Variants in LRRC4C observed in about 807,000 individuals in gnomAD.
The protein encoded by LRRC4C is leucine rich repeat containing 4C, also known as leucine-rich repeat-containing protein 4C.
LRRC4C carries 5 observed loss-of-function variants against 33.6 expected under a neutral mutation model. That is an observed-to-expected ratio of 0.15 (90% confidence interval 0.08 to 0.31). The LOEUF is 0.31. Ranked by LOEUF, LRRC4C falls within the 10% of genes least tolerant of loss-of-function variation. The pLI, the probability that LRRC4C is intolerant of heterozygous loss-of-function variation, is 1.00. For synonymous variants in LRRC4C, 329 were observed against 302.0 expected, an observed-to-expected ratio of 1.09 and a Z score of -0.93; for missense variants, 560 against 796.7, an observed-to-expected ratio of 0.70 and a Z score of 3.58.
chr11:41,214,835 T>C (rs1172329213), intron 1 of LRRC4C, among the ~76,000 whole-genome samples: 1 of 146,896 alleles, frequency 6.8e-6, no homozygotes, highest in Non-Finnish European at 1.5e-5. Context: ...TATATATATG[T>C]ATATATAAAT....
chr11:40,934,760 A>G (rs1474976847), intron 1 of LRRC4C, among the ~76,000 whole-genome samples: 1 of 152,114 alleles, frequency 6.6e-6, no homozygotes, highest in Non-Finnish European at 1.5e-5. Context: ...CAGGTTTATG[A>G]CTGAAATACT....
chr11:40,420,741 A>C (rs929416380), intron 3 of LRRC4C, among the ~76,000 whole-genome samples: 1 of 152,146 alleles, frequency 6.6e-6, no homozygotes, highest in African/African-American at 2.4e-5. Context: ...TTGCCAGCTC[A>C]TGAGTGTTGG....
intron 1 of LRRC4C, among the ~76,000 whole-genome samples, chr11:41,039,448 A>G (rs1857287369): frequency 6.6e-6 from 1 of 152,198 alleles, no homozygotes; most frequent in Admixed American, 6.5e-5. Context: ...AATATAATAA[A>G]GCTTAGCGAA....
At chr11:41,075,051 T>G (rs1257590352) in intron 1 of LRRC4C, among the ~76,000 whole-genome samples, 1 of 43,070 alleles carries the variant, frequency 2.3e-5, no homozygotes, top group African/African-American at 7.9e-5. Context: ...TTAATGTTTT[T>G]TTTTTTTTTT....
intron 3 of LRRC4C, among the ~76,000 whole-genome samples, chr11:40,613,870 G>A (rs1371004550): frequency 1.3e-5 from 2 of 151,832 alleles, no homozygotes; most frequent in African/African-American, 2.4e-5. Context: ...AATGAATGGT[G>A]ATTTTTTGAA....
At chr11:40,844,803 G>T (rs1270065703) in intron 2 of LRRC4C, among the ~76,000 whole-genome samples, 1 of 152,142 alleles carries the variant, frequency 6.6e-6, no homozygotes, top group Non-Finnish European at 1.5e-5. Flanking sequence ...AAACAACAAT[G>T]CATCGCATAC....
chr11:41,398,474 T>C (rs16935673), intron 1 of LRRC4C, among the ~76,000 whole-genome samples: 9,783 of 152,068 alleles, frequency 0.064, 369 homozygotes, highest in Middle Eastern at 0.14. Flanking sequence ...AATCCCTGAA[T>C]GCACTGTAAC....
At chr11:41,400,277 G>A (rs941243867) in intron 1 of LRRC4C, among the ~76,000 whole-genome samples, 1 of 151,914 alleles carries the variant, frequency 6.6e-6, no homozygotes, top group African/African-American at 2.4e-5. Context: ...TGCATATAAC[G>A]TGTTGAGCTC....
intron 2 of LRRC4C, among the ~76,000 whole-genome samples, chr11:40,818,381 C>T (rs1432861060): frequency 6.6e-6 from 1 of 152,002 alleles, no homozygotes; most frequent in Non-Finnish European, 1.5e-5. Flanking sequence ...TGAATAGGTA[C>T]CTAATAAGTT....
chr11:41,227,890 A>T (rs1321282521), intron 1 of LRRC4C, among the ~76,000 whole-genome samples: 4 of 151,786 alleles, frequency 2.6e-5, no homozygotes, highest in African/African-American at 4.8e-5. Context: ...AATATTTTAC[A>T]TTCATTTTCT....
intron 3 of LRRC4C, among the ~76,000 whole-genome samples, chr11:40,627,081 T>G (rs1333045044): frequency 6.6e-6 from 1 of 151,536 alleles, no homozygotes; most frequent in Non-Finnish European, 1.5e-5. Context: ...ACTGTTTTTT[T>G]TTTTTTTTTT....
At chr11:41,249,518 A>C (rs1948570210) in intron 1 of LRRC4C, among the ~76,000 whole-genome samples, 1 of 152,096 alleles carries the variant, frequency 6.6e-6, no homozygotes, top group South Asian at 2.1e-4. Flanking sequence ...AATACAGAAA[A>C]CTTACCATGA....
chr11:41,265,109 A>G (rs1949105700), intron 1 of LRRC4C, among the ~76,000 whole-genome samples: 1 of 152,182 alleles, frequency 6.6e-6, no homozygotes, highest in Non-Finnish European at 1.5e-5. Flanking sequence ...ATAAATGAAC[A>G]GAATAGTCAA....
At chr11:40,430,259 G>A (rs940291661) in intron 3 of LRRC4C, among the ~76,000 whole-genome samples, 1 of 137,768 alleles carries the variant, frequency 7.3e-6, no homozygotes, top group African/African-American at 2.7e-5. Context: ...AAAAGTGCAC[G>A]TATGGGGGGG....
At chr11:40,947,903 CTCTCAGTGTT>C (rs1465027483) in intron 1 of LRRC4C, among the ~76,000 whole-genome samples, 2 of 152,132 alleles carry the variant, frequency 1.3e-5, no homozygotes, top group South Asian at 2.1e-4. Context: ...CCATAATTGT[CTCTCAGTGTT>C]TCTCAATTTA....
intron 3 of LRRC4C, among the ~76,000 whole-genome samples, chr11:40,393,189 T>C (rs1949404126): frequency 6.6e-6 from 1 of 152,122 alleles, no homozygotes; most frequent in African/African-American, 2.4e-5. Flanking sequence ...CAATAGGGAT[T>C]GGAATATTTC....
intron 1 of LRRC4C, among the ~76,000 whole-genome samples, chr11:41,156,622 A>T (rs1944243190): frequency 1.3e-5 from 2 of 152,118 alleles, no homozygotes; most frequent in Admixed American, 6.6e-5. Context: ...CTTATATTAC[A>T]ATGAACATGG....
chr11:40,983,098 C>T (rs1852656298), intron 1 of LRRC4C, among the ~76,000 whole-genome samples: 1 of 152,054 alleles, frequency 6.6e-6, no homozygotes, highest in Admixed American at 6.6e-5. Context: ...GGTTGATTCC[C>T]TGTCTTTGCT....
chr11:40,742,975 A>G (rs886329689), intron 2 of LRRC4C, among the ~76,000 whole-genome samples: 2 of 152,116 alleles, frequency 1.3e-5, no homozygotes, highest in African/African-American at 4.8e-5. Context: ...AACAGAATGT[A>G]ACTTAACTTT....
Sources: allele counts gnomAD v4.1 joint callset (sites outside exome capture counted in the v4.1 genomes callset), GRCh38; gene constraint gnomAD v4.1.1; transcripts MANE v1.5; gene names NCBI Gene and HGNC (gene_info 2026-07-23, HGNC 2026-07-21).